Variants in DNAH9 observed in about 807,000 individuals in gnomAD.
DNAH9 encodes the protein dynein axonemal heavy chain 9, also known as DNAH9 variant protein.
A neutral mutation model predicts 471.6 loss-of-function variants in DNAH9; 345 were observed. The observed-to-expected ratio is 0.73, with a 90% CI of 0.67 to 0.80. The LOEUF is 0.80. Among genes scored for constraint, DNAH9 ranks in the 30% least tolerant of loss-of-function variants. The pLI is 0.00. For synonymous variants in DNAH9, 2,093 were observed against 2,123.6 expected (o/e 0.99, Z 0.40); for missense variants, 5,407 against 5,609.2 (o/e 0.96, Z 1.15).
At chr17:11,871,573 T>C in intron 51 of DNAH9, 25 bp from the exon 52 acceptor site, 1 of 1,609,082 alleles carries the variant, frequency 6.2e-7, no homozygotes, top group African/African-American at 1.3e-5. Context: ...ACGCCTCCTC[T>C]CCTCTCTGGC....
chr17:11,689,844 G>A lies in DNAH9; in HGVS notation c.4022G>A (p.Arg1341Gln), dbSNP rs774766185. Residue 1341 changes from arginine (R) to glutamine (Q), a missense_variant, in exon 20 of 69, where the codon CGG becomes CAG. Physicochemically the swap from Arg to Gln is conservative, Grantham distance 43. This residue lies in a region of DNAH9 where 4,636 missense variants were observed against 4,900.3 expected (regional missense o/e 0.95). Coordinates refer to ENST00000262442, the MANE Select transcript of DNAH9 (RefSeq NM_001372.4). The stretch of plus-strand genomic sequence containing the variant: ...GAGTTGGAGTGCAAACAGTTTGCCC[G>A]GCATATCCGAAACCTGGACAAGGAG... Reference protein sequence around the residue: ...AMELECKQFARHIRNLDKEVR... With the variant: ...AMELECKQFAQHIRNLDKEVR... 5.6e-5 allele frequency: 91 copies of A among 1,612,116 alleles called. No individual in the cohort carries two copies. The highest frequency in any genetic ancestry group is 7.4e-5 in the Non-Finnish European group (87 of 1,178,964).
intron 68 of DNAH9, among the ~76,000 whole-genome samples, chr17:11,966,555 C>T (rs1976741984): frequency 6.6e-6 from 1 of 152,178 alleles, no homozygotes; most frequent in African/African-American, 2.4e-5. Flanking sequence ...AAGGCAATTA[C>T]ATATGTAAGC....
chr17:11,614,259 C>T (rs536037699), intron 4 of DNAH9, among the ~76,000 whole-genome samples: 3 of 152,060 alleles, frequency 2.0e-5, no homozygotes, highest in Admixed American at 6.5e-5. Flanking sequence ...TCTTATTAGG[C>T]ATGGTCAGGG....
At chr17:11,624,041 G>C (rs1190762028) in intron 6 of DNAH9, among the ~76,000 whole-genome samples, 1 of 152,138 alleles carries the variant, frequency 6.6e-6, no homozygotes, top group East Asian at 1.9e-4. Flanking sequence ...AGTAAGTGGA[G>C]TAATTGCATT....
chr17:11,845,837 A>G (rs1000613377), intron 49 of DNAH9, among the ~76,000 whole-genome samples: 17 of 139,608 alleles, frequency 1.2e-4, no homozygotes, highest in Non-Finnish European at 1.6e-5. Context: ...TCCTTTGCCC[A>G]CTTTTTGATG....
intron 26 of DNAH9, among the ~76,000 whole-genome samples, chr17:11,717,317 G>C (rs942925115): frequency 2.0e-5 from 3 of 151,926 alleles, no homozygotes; most frequent in African/African-American, 4.8e-5. Flanking sequence ...TGGATCACTT[G>C]AGCCCTGGAG....
intron 50 of DNAH9, among the ~76,000 whole-genome samples, chr17:11,854,918 G>A (rs1157135649): frequency 1.3e-5 from 2 of 152,196 alleles, no homozygotes; most frequent in African/African-American, 4.8e-5. Flanking sequence ...ATAAAACTGT[G>A]AGGGTCATTA....
chr17:11,733,946 CA>C (rs1274820533), intron 28 of DNAH9, among the ~76,000 whole-genome samples: 1 of 151,262 alleles, frequency 6.6e-6, no homozygotes, highest in Non-Finnish European at 1.5e-5. Flanking sequence ...TGTGCAATTG[CA>C]AGGACCATAG....
chr17:11,772,543 T>C (rs1797198369), intron 38 of DNAH9, among the ~76,000 whole-genome samples: 1 of 152,024 alleles, frequency 6.6e-6, no homozygotes, highest in African/African-American at 2.4e-5. Flanking sequence ...GTTCATTGTA[T>C]CCTCTGCCTC....
intron 50 of DNAH9, among the ~76,000 whole-genome samples, chr17:11,868,847 G>A (rs1316016581): frequency 1.3e-5 from 2 of 152,058 alleles, no homozygotes; most frequent in Non-Finnish European, 1.5e-5. Flanking sequence ...CGATGACTGC[G>A]GTGGTGGGGT....
chr17:11,707,953 C>T (rs2074733953), intron 26 of DNAH9, among the ~76,000 whole-genome samples: 1 of 146,170 alleles, frequency 6.8e-6, no homozygotes, highest in Non-Finnish European at 1.5e-5. Context: ...AAGGCAGCCT[C>T]TCCCACCACA....
chr17:11,604,505 A>G (rs1049518956), intron 1 of DNAH9, among the ~76,000 whole-genome samples: 1 of 152,054 alleles, frequency 6.6e-6, no homozygotes. Flanking sequence ...ACTCTCAACT[A>G]GCATATCCAG....
intron 26 of DNAH9, among the ~76,000 whole-genome samples, chr17:11,714,717 C>A (rs1007512432): frequency 2.0e-5 from 3 of 152,134 alleles, no homozygotes; most frequent in African/African-American, 7.2e-5. Flanking sequence ...CCCCAGCCAG[C>A]AGAAGGGGAA....
intron 50 of DNAH9, among the ~76,000 whole-genome samples, chr17:11,863,943 T>G (rs548337726): frequency 6.6e-6 from 1 of 152,114 alleles, no homozygotes; most frequent in African/African-American, 2.4e-5. Flanking sequence ...TAGCGGTCTA[T>G]CAATTTTGTG....
In DNAH9 at chr17:11,962,165, CGAA is replaced by C. The variant is rs573981769; in HGVS notation, c.13149_13151del (p.Lys4383del). The C allele has an allele frequency of 4.6e-4, 740 of 1,614,062 alleles. 3 individuals carry two copies. In the South Asian group the frequency reaches 7.4e-3, roughly 16 times the overall value. On this transcript the variant is annotated inframe_deletion, in exon 68 of 69. Coordinates refer to ENST00000262442, the MANE Select transcript of DNAH9 (RefSeq NM_001372.4). This position sits in a 1 kb window ranked among gnomAD's most constrained non-coding sequence, Gnocchi z 4.1. Reference sequence around the variant, plus strand: ...CAGATGGCCCTGCAATGTGACATGACGAAGAAGAACAGAGAAGAGTTTAGGAGT... The same window carrying C: ...CAGATGGCCCTGCAATGTGACATGACGAAGAACAGAGAAGAGTTTAGGAGT...
chr17:11,861,946 A>T (rs1372168919), intron 50 of DNAH9, among the ~76,000 whole-genome samples: 1 of 151,506 alleles, frequency 6.6e-6, no homozygotes, highest in African/African-American at 2.4e-5. Flanking sequence ...AGTAGGTTGC[A>T]AAAATTTTCT....
chr17:11,734,997 C>T (rs1309520167), intron 28 of DNAH9, among the ~76,000 whole-genome samples: 1 of 152,134 alleles, frequency 6.6e-6, no homozygotes, highest in Non-Finnish European at 1.5e-5. Context: ...TCCGACGCAC[C>T]TCATTGGACC....
chr17:11,940,198 T>A (rs999972726), intron 66 of DNAH9, among the ~76,000 whole-genome samples: 3 of 152,186 alleles, frequency 2.0e-5, no homozygotes, highest in Non-Finnish European at 4.4e-5. Context: ...TGGAACCCAC[T>A]CCTCCTATCT....
intron 15 of DNAH9, among the ~76,000 whole-genome samples, chr17:11,666,633 C>T (rs2073873251): frequency 6.6e-6 from 1 of 152,120 alleles, no homozygotes; most frequent in Admixed American, 6.5e-5. Flanking sequence ...GTAAAGGAGC[C>T]TAAAGGGGCC....
Sources: gnomAD v4.1 joint callset for allele counts (sites outside exome capture counted in the v4.1 genomes callset) on GRCh38, gnomAD v4.1.1 for gene constraint, gnomAD v4.1.1 regional missense constraint, Gnocchi (gnomAD v3.1) non-coding constraint, MANE v1.5 for transcripts, NCBI Gene and HGNC (gene_info 2026-07-23, HGNC 2026-07-21) for gene names.